Variants in SCAI observed in about 807,000 individuals in gnomAD.
SCAI encodes the protein suppressor of cancer cell invasion.
A neutral mutation model predicts 92.2 loss-of-function variants in SCAI; 24 were observed. The ratio of observed to expected loss-of-function variants is 0.26; its 90% CI spans 0.19 to 0.37. The LOEUF is 0.37. SCAI is among the 10% of genes least tolerant of loss of function. SCAI has a pLI of 1.00. For missense variants in SCAI, 450 were observed against 736.2 expected, an observed-to-expected ratio of 0.61 and a Z score of 4.50; for synonymous variants, 261 against 258.6, an observed-to-expected ratio of 1.01 and a Z score of -0.09.
chr9:124,995,198 GA>G (rs931067465), intron 13 of SCAI, among the ~76,000 whole-genome samples, 183 bp from the exon 14 acceptor site: 73 of 141,686 alleles, frequency 5.2e-4, no homozygotes, highest in East Asian at 2.4e-3. Context: ...TCTATTTGGA[GA>G]AAAAAAAAAA....
Position 125,017,386 on chromosome 9 carries a change from T to C in SCAI, c.861+1413A>G, listed in dbSNP as rs374323717. 7.9e-5 allele frequency among the ~76,000 whole-genome samples: 12 copies of C among 152,316 alleles called. No homozygotes were observed. The South Asian group carries it at 2.3e-3, about 29-fold the overall frequency. On this transcript the variant is annotated intron_variant, in intron 9 of 17. Coordinates refer to ENST00000336505, the MANE Select transcript of SCAI (RefSeq NM_001144877.3). Reference sequence around the variant, plus strand: ...GTGAGAAAAATACCGAGCCTTAAGATAGTATAACTATACAAACCATAAATG... The same window carrying C: ...GTGAGAAAAATACCGAGCCTTAAGACAGTATAACTATACAAACCATAAATG...
At chr9:125,136,737 G>C (rs980797914) in intron 2 of SCAI, among the ~76,000 whole-genome samples, 10 of 150,678 alleles carry the variant, frequency 6.6e-5, no homozygotes, top group Non-Finnish European at 1.0e-4. Context: ...GGGATTACAG[G>C]TGTGAGCCAG....
chr9:125,043,926 G>A (rs1178547283), intron 3 of SCAI, among the ~76,000 whole-genome samples: 1 of 152,138 alleles, frequency 6.6e-6, no homozygotes, highest in Non-Finnish European at 1.5e-5. Context: ...GCTCCTGGGT[G>A]CAGCTGCAGC....
intron 3 of SCAI, among the ~76,000 whole-genome samples, chr9:125,044,779 G>GC (rs1360084820): frequency 6.6e-6 from 1 of 152,174 alleles, no homozygotes; most frequent in Non-Finnish European, 1.5e-5. Flanking sequence ...CCTGAGCCAG[G>GC]GTTGTGACAT....
intron 2 of SCAI, among the ~76,000 whole-genome samples, chr9:125,119,297 C>T (rs1040258031): frequency 1.3e-5 from 2 of 152,218 alleles, no homozygotes; most frequent in African/African-American, 2.4e-5. Context: ...CACGGTCACA[C>T]ATGTGGTCTG....
chr9:125,016,710 C>A (rs1031433707), intron 9 of SCAI, among the ~76,000 whole-genome samples: 2 of 151,958 alleles, frequency 1.3e-5, no homozygotes, highest in Non-Finnish European at 2.9e-5. Context: ...GCTAGGTCTA[C>A]TGGAAATCCA....
chr9:124,991,493 A>C (rs961428933), intron 14 of SCAI, among the ~76,000 whole-genome samples: 1 of 152,098 alleles, frequency 6.6e-6, no homozygotes, highest in African/African-American at 2.4e-5. Flanking sequence ...CATATATAGC[A>C]AAGAAAATAC....
At chr9:125,126,899 A>G (rs1012061936) in intron 2 of SCAI, among the ~76,000 whole-genome samples, 2 of 152,202 alleles carry the variant, frequency 1.3e-5, no homozygotes, top group South Asian at 2.1e-4. Flanking sequence ...CCAAGATGAT[A>G]GTCCTATTTG....
chr9:125,085,769 AATAT>A (rs1390811348), intron 2 of SCAI, among the ~76,000 whole-genome samples: 1 of 152,198 alleles, frequency 6.6e-6, no homozygotes, highest in Non-Finnish European at 1.5e-5. Context: ...CTTGTCTCAA[AATAT>A]ATATGATAAT....
At chr9:124,966,460 G>A (rs576670172) in intron 17 of SCAI, among the ~76,000 whole-genome samples, 1 of 152,178 alleles carries the variant, frequency 6.6e-6, no homozygotes, top group South Asian at 2.1e-4. Context: ...CATTACTTTT[G>A]TTTACACTTC....
At chr9:125,093,688 C>T (rs1834489442) in intron 2 of SCAI, among the ~76,000 whole-genome samples, 1 of 151,754 alleles carries the variant, frequency 6.6e-6, no homozygotes, top group African/African-American at 2.4e-5. Context: ...GCCTCAGCCT[C>T]CCGAGTAGCT....
chr9:125,055,248 T>C (rs529359457), intron 3 of SCAI, among the ~76,000 whole-genome samples: 1 of 152,318 alleles, frequency 6.6e-6, no homozygotes, highest in East Asian at 1.9e-4. Context: ...ATTTTACCTA[T>C]TGTATGAATT....
At chr9:124,983,788 G>A (rs897524594) in intron 14 of SCAI, among the ~76,000 whole-genome samples, 4 of 152,224 alleles carry the variant, frequency 2.6e-5, no homozygotes, top group Non-Finnish European at 4.4e-5. Flanking sequence ...ATAGTTAATA[G>A]CACAGGTTTT....
rs530948314 is a variant in SCAI at position 124,947,123 on chromosome 9, A to T, written c.*5684T>A. The T allele has an allele frequency of 3.9e-5, 6 of 152,284 alleles. No homozygotes were observed. The highest frequency in any genetic ancestry group is 3.9e-4 in the Admixed American group (6 of 15,292). The allele number at this position is 152,284 out of a possible 1,614,324, so 9.4% of individuals were successfully genotyped here. ...TTCAGTATGAGGCATAAAAATGACA[A>T]CTGGGAATATATTTCCCCTATTTAA... On this transcript the variant is annotated 3_prime_UTR_variant, in exon 18 of 18. Coordinates refer to ENST00000336505, the MANE Select transcript of SCAI (RefSeq NM_001144877.3).
At chr9:125,002,093 A>C in intron 11 of SCAI, 50 bp from the exon 12 acceptor site, 1 of 1,228,476 alleles carries the variant, frequency 8.1e-7, no homozygotes, top group Non-Finnish European at 1.2e-6. Flanking sequence ...AGGATAAACA[A>C]CATGGTTTTA....
chr9:125,018,982 AT>A, intron 8 of SCAI, 31 bp from the exon 9 acceptor site: 1 of 1,605,710 alleles, frequency 6.2e-7, no homozygotes, highest in Non-Finnish European at 8.5e-7. Context: ...AACTTAACGA[AT>A]GGCCAAGACT....
intron 14 of SCAI, among the ~76,000 whole-genome samples, chr9:124,986,277 C>T (rs1439038542): frequency 6.6e-6 from 1 of 151,770 alleles, no homozygotes. Context: ...GGCAACAGAT[C>T]GAGACTCCGT....
At chr9:125,138,616 G>A (rs867064343) in intron 2 of SCAI, among the ~76,000 whole-genome samples, 5 of 152,054 alleles carry the variant, frequency 3.3e-5, no homozygotes, top group Admixed American at 1.3e-4. Context: ...TGGTTTCACT[G>A]TGTTAGCCAG....
At chr9:125,113,074 T>C (rs1564418659) in intron 2 of SCAI, among the ~76,000 whole-genome samples, 1 of 152,174 alleles carries the variant, frequency 6.6e-6, no homozygotes, top group African/African-American at 2.4e-5. Flanking sequence ...TTCAAGGAAG[T>C]GGAACACAAC....
Sources: allele counts gnomAD v4.1 joint callset (sites outside exome capture counted in the v4.1 genomes callset), GRCh38; gene constraint gnomAD v4.1.1; transcripts MANE v1.5; gene names NCBI Gene and HGNC (gene_info 2026-07-23, HGNC 2026-07-21).